The following USP14 variants were observed in gnomAD, a reference collection of about 807,000 sequenced individuals.
USP14 encodes ubiquitin carboxyl-terminal hydrolase 14.
Under a neutral mutation model 76.5 loss-of-function variants are expected in USP14, and 38 were observed. The ratio of observed to expected loss-of-function variants is 0.50; its 90% CI spans 0.38 to 0.65. The LOEUF (loss-of-function observed/expected upper bound fraction) is 0.65. Ranked by LOEUF, USP14 falls within the 30% of genes least tolerant of loss-of-function variation. USP14 has a pLI of 0.00. For missense variants in USP14, 467 were observed against 586.5 expected (o/e 0.80, Z 2.10); for synonymous variants, 192 against 191.7 (o/e 1.00, Z -0.01).
intron 5 of USP14, among the ~76,000 whole-genome samples, chr18:189,664 T>G (rs903990346): frequency 2.0e-5 from 3 of 152,032 alleles, no homozygotes; most frequent in Admixed American, 1.3e-4. Flanking sequence ...TGTATTTTTA[T>G]TAGAGACAGG....
intron 3 of USP14, among the ~76,000 whole-genome samples, chr18:171,025 A>ATATATATATAT (rs1555762344): frequency 1.4e-3 from 67 of 47,626 alleles, no homozygotes; most frequent in Non-Finnish European, 1.9e-3. Flanking sequence ...AAAAAAAAAA[A>ATATATATATAT]ATATATATAT....
intron 12 of USP14, among the ~76,000 whole-genome samples, chr18:203,472 T>C (rs1910439682): frequency 6.6e-6 from 1 of 152,170 alleles, no homozygotes; most frequent in South Asian, 2.1e-4. Context: ...AAGATTCATA[T>C]ACAATTCTGA....
intron 5 of USP14, among the ~76,000 whole-genome samples, chr18:182,313 A>C (rs1909809121): frequency 6.6e-6 from 1 of 152,214 alleles, no homozygotes; most frequent in South Asian, 2.1e-4. Context: ...TCAGTTCTTT[A>C]TGATAGAATT....
At chr18:197,923 T>C (rs1910282622) in intron 8 of USP14, 124 bp from the exon 9 acceptor site, 5 of 849,426 alleles carry the variant, frequency 5.9e-6, no homozygotes, top group Non-Finnish European at 8.8e-6. Context: ...GTAATGTTTT[T>C]TGAAGGATTT....
intron 8 of USP14, 65 bp downstream of exon 8, chr18:197,761 T>TC (rs906742167): frequency 1.5e-6 from 2 of 1,340,672 alleles, no homozygotes; most frequent in Non-Finnish European, 2.1e-6. Flanking sequence ...TTATTTTTTT[T>TC]CCCCTCAAAG....
At chr18:198,441 G>A (rs779617168) in intron 9 of USP14, among the ~76,000 whole-genome samples, 1 of 152,082 alleles carries the variant, frequency 6.6e-6, no homozygotes, top group East Asian at 1.9e-4. Flanking sequence ...TCACCCTCTT[G>A]GTCAGGCTGG....
intron 3 of USP14, among the ~76,000 whole-genome samples, chr18:177,533 T>C (rs2144230801): frequency 6.6e-6 from 1 of 151,790 alleles, no homozygotes; most frequent in South Asian, 2.1e-4. Flanking sequence ...AGAATAAAGG[T>C]CATTAAATTT....
chr18:203,614 TTC>T (rs1910445902), intron 12 of USP14, among the ~76,000 whole-genome samples: 1 of 150,826 alleles, frequency 6.6e-6, no homozygotes, highest in East Asian at 1.9e-4. Flanking sequence ...GGTGGTTTCT[TTC>T]TTTTTTTTTT....
chr18:211,230 T>G lies in USP14; in HGVS notation c.1431T>G (p.Val477=). Reference sequence around the variant, plus strand: ...GTGGAGACTGGCATATCGCTTACGTTCTACTCTATGGGCCTCGCAGAGTTG... The same window carrying G: ...GTGGAGACTGGCATATCGCTTACGTGCTACTCTATGGGCCTCGCAGAGTTG... ...SGGGDWHIAY[V]LLYGPRRVEI... The change falls in exon 16 of 16, where the codon GTT becomes GTG. Residue 477 remains valine (V), a synonymous_variant. Transcript: ENST00000261601. 6.2e-7 allele frequency: 1 copy of G among 1,614,114 alleles called. No individual in the cohort carries two copies. Among genetic ancestry groups the G allele is most frequent in the Non-Finnish European group, 8.5e-7 (1 of 1,179,962 alleles).
chr18:176,647 A>T (rs1020026806), intron 3 of USP14, among the ~76,000 whole-genome samples: 11 of 152,184 alleles, frequency 7.2e-5, no homozygotes, highest in African/African-American at 2.6e-4. Flanking sequence ...TTTTATAGAC[A>T]TTTTTAAGAT....
At chr18:198,253 T>C in intron 9 of USP14, 121 bp downstream of exon 9, 1 of 878,116 alleles carries the variant, frequency 1.1e-6, no homozygotes, top group Non-Finnish European at 1.7e-6. Context: ...TTTTTTTTCT[T>C]TGAGACGGAG....
intron 13 of USP14, among the ~76,000 whole-genome samples, chr18:207,571 C>A (rs2143098626): frequency 6.9e-6 from 1 of 143,982 alleles, no homozygotes; most frequent in South Asian, 2.3e-4. Flanking sequence ...CCCAGCTGTT[C>A]AGAAGGCTAA....
chr18:169,751 G>A (rs1909389827), intron 3 of USP14, among the ~76,000 whole-genome samples: 1 of 152,086 alleles, frequency 6.6e-6, no homozygotes, highest in African/African-American at 2.4e-5. Context: ...AGCAGCCTAT[G>A]TTCACTTCAT....
intron 3 of USP14, among the ~76,000 whole-genome samples, chr18:167,191 AGAATCACTT>A (rs1489375091): frequency 2.0e-5 from 3 of 152,132 alleles, no homozygotes; most frequent in Non-Finnish European, 4.4e-5. Flanking sequence ...AGGAGGCAGG[AGAATCACTT>A]GAACCTGGGA....
chr18:211,331 G>A lies in USP14; in HGVS notation c.*47G>A, dbSNP rs1444749634. The A allele has an allele frequency of 1.3e-6, 2 of 1,558,208 alleles. No individual in the cohort carries two copies. Among genetic ancestry groups the A allele is most frequent in the Admixed American group, 1.8e-5 (1 of 55,244 alleles). On this transcript the variant is annotated 3_prime_UTR_variant, in exon 16 of 16. Coordinates refer to ENST00000261601, the MANE Select transcript of USP14 (RefSeq NM_005151.4). ...TTAGATGTGAAAATAAATGTTATTT[G>A]TTGATCATTTCTATAATCCAGAGCT...
chr18:188,776 C>G (rs958870804), intron 5 of USP14, among the ~76,000 whole-genome samples: 7 of 151,922 alleles, frequency 4.6e-5, no homozygotes, highest in African/African-American at 1.7e-4. Flanking sequence ...CTCCTGGGTT[C>G]GAGCGATTCT....
chr18:200,825 G>A (rs887482597), intron 10 of USP14, among the ~76,000 whole-genome samples: 2 of 151,718 alleles, frequency 1.3e-5, no homozygotes, highest in Non-Finnish European at 2.9e-5. Context: ...ATTTTGAGAC[G>A]GAGTCTCTCT....
chr18:190,096 C>A, intron 5 of USP14, among the ~76,000 whole-genome samples: 1 of 152,172 alleles, frequency 6.6e-6, no homozygotes, highest in Middle Eastern at 3.4e-3. Context: ...TTTAGTGTAT[C>A]CATGTTCTGT....
intron 13 of USP14, among the ~76,000 whole-genome samples, chr18:204,927 T>C (rs1910488929): frequency 6.6e-6 from 1 of 151,442 alleles, no homozygotes. Context: ...TGTGACAAGG[T>C]CTTCCTTTGT....
Sources: allele counts gnomAD v4.1 joint callset (sites outside exome capture counted in the v4.1 genomes callset), GRCh38; gene constraint gnomAD v4.1.1; transcripts MANE v1.5; gene names NCBI Gene and HGNC (gene_info 2026-07-23, HGNC 2026-07-21).